Variants in NKD1 observed in about 807,000 individuals in gnomAD.
NKD1 encodes the protein protein naked cuticle homolog 1.
A neutral mutation model predicts 56.0 loss-of-function variants in NKD1; 21 were observed. That is an observed-to-expected ratio of 0.38 (90% confidence interval 0.27 to 0.54). The LOEUF is 0.54. NKD1 is among the 20% of genes least tolerant of loss of function. NKD1 has a pLI of 0.82. For missense variants in NKD1, 578 were observed against 642.7 expected, an observed-to-expected ratio of 0.90 and a Z score of 1.09; for synonymous variants, 263 against 265.7, an observed-to-expected ratio of 0.99 and a Z score of 0.10.
At chr16:50,618,455 G>A (rs955671591) in intron 4 of NKD1, among the ~76,000 whole-genome samples, 3 of 152,212 alleles carry the variant, frequency 2.0e-5, no homozygotes, top group African/African-American at 7.2e-5. Context: ...TCACTGATGG[G>A]TGGAGGGTGG....
chr16:50,607,199 G>C (rs1231792082), intron 3 of NKD1: 1 of 350,672 alleles, frequency 2.9e-6, no homozygotes, highest in Non-Finnish European at 5.7e-6. Flanking sequence ...AATGTTAGCT[G>C]TTTGTCTTTA....
At chr16:50,570,904 G>A (rs1960867947) in intron 3 of NKD1, 1 of 985,406 alleles carries the variant, frequency 1.0e-6, no homozygotes, top group East Asian at 1.1e-4. Flanking sequence ...GAGTGATGTA[G>A]CCCCCACCCC....
intron 3 of NKD1, among the ~76,000 whole-genome samples, chr16:50,581,396 C>T (rs2151269274): frequency 6.6e-6 from 1 of 152,344 alleles, no homozygotes; most frequent in Non-Finnish European, 1.5e-5. Flanking sequence ...GTTTCCCAAG[C>T]TTCTCTGGCC....
At chr16:50,618,740 G>A (rs903848828) in intron 4 of NKD1, among the ~76,000 whole-genome samples, 1 of 152,224 alleles carries the variant, frequency 6.6e-6, no homozygotes, top group African/African-American at 2.4e-5. Flanking sequence ...GCCCCTGGCG[G>A]GTTCACTGAC....
chr16:50,624,291 A>G (rs925163380), intron 5 of NKD1, among the ~76,000 whole-genome samples: 3 of 152,158 alleles, frequency 2.0e-5, no homozygotes, highest in African/African-American at 7.2e-5. Context: ...TCTGACACTC[A>G]GCCAGCCTCT....
At chr16:50,554,862 C>T (rs1373286251) in intron 3 of NKD1, among the ~76,000 whole-genome samples, 1 of 152,178 alleles carries the variant, frequency 6.6e-6, no homozygotes, top group East Asian at 1.9e-4. Context: ...TCAAACCATC[C>T]TCCCACATCA....
chr16:50,578,692 C>T (rs927312887), intron 3 of NKD1, among the ~76,000 whole-genome samples: 3 of 152,152 alleles, frequency 2.0e-5, no homozygotes, highest in African/African-American at 4.8e-5. Flanking sequence ...AGCAGCATTC[C>T]ATCTCCTATG....
intron 3 of NKD1, among the ~76,000 whole-genome samples, chr16:50,586,817 T>C (rs142592427): frequency 1.3e-5 from 2 of 152,348 alleles, no homozygotes; most frequent in Non-Finnish European, 2.9e-5. Context: ...GATTGTCCTT[T>C]GTTGGACAAC....
chr16:50,610,150 G>T (rs948566018), intron 4 of NKD1, among the ~76,000 whole-genome samples: 2 of 152,228 alleles, frequency 1.3e-5, no homozygotes, highest in African/African-American at 2.4e-5. Context: ...GGGCAACATA[G>T]TGAGACCCTG....
chr16:50,630,749 G>A, intron 7 of NKD1, 77 bp from the exon 8 acceptor site: 1 of 1,298,002 alleles, frequency 7.7e-7, no homozygotes, highest in Non-Finnish European at 1.1e-6. Flanking sequence ...CAAAGCAGCT[G>A]CACGCCAGGC....
intron 6 of NKD1, 87 bp from the exon 7 acceptor site, chr16:50,630,099 C>G: frequency 2.3e-6 from 3 of 1,306,736 alleles, no homozygotes; most frequent in Non-Finnish European, 3.3e-6. Flanking sequence ...GGGTTCAGGC[C>G]TGCAGCGTCC....
chr16:50,548,860 G>A (rs562438164), intron 2 of NKD1, 111 bp downstream of exon 2: 3 of 1,216,692 alleles, frequency 2.5e-6, no homozygotes, highest in Admixed American at 4.2e-5. Flanking sequence ...CGAAGCCCCA[G>A]TTCCGGCCAC....
intron 3 of NKD1, among the ~76,000 whole-genome samples, chr16:50,589,966 G>C (rs923535539): frequency 6.6e-6 from 1 of 152,012 alleles, no homozygotes; most frequent in African/African-American, 2.4e-5. Context: ...TCCTGCCTCA[G>C]CCTCCTGAGT....
intron 3 of NKD1, among the ~76,000 whole-genome samples, chr16:50,582,145 G>A (rs553767111): frequency 1.8e-4 from 27 of 152,280 alleles, no homozygotes; most frequent in Non-Finnish European, 2.9e-4. Context: ...TGCATTGCCC[G>A]CCCAAGGATG....
intron 3 of NKD1, among the ~76,000 whole-genome samples, chr16:50,602,365 T>C (rs933102049): frequency 6.6e-6 from 1 of 152,204 alleles, no homozygotes. Flanking sequence ...TCATCTTGTC[T>C]GGCCTCCCTA....
intron 3 of NKD1, chr16:50,574,848 T>A: frequency 4.1e-6 from 4 of 985,458 alleles, no homozygotes; most frequent in Non-Finnish European, 4.8e-6. Flanking sequence ...CCAAGCTGTT[T>A]CTATGTGGGG....
chr16:50,563,233 C>T (rs531603288), intron 3 of NKD1, among the ~76,000 whole-genome samples: 47 of 152,360 alleles, frequency 3.1e-4, no homozygotes, highest in African/African-American at 1.1e-3. Flanking sequence ...CCTCATTGGA[C>T]AGCACAGCCC....
intron 4 of NKD1, 65 bp downstream of exon 4, chr16:50,608,425 C>T (rs1024093313): frequency 1.2e-5 from 13 of 1,083,090 alleles, no homozygotes; most frequent in Middle Eastern, 2.2e-4. Context: ...TTCAGCTGGC[C>T]GTGTGCCCTG....
At chr16:50,574,662 C>T in intron 3 of NKD1, 1 of 985,422 alleles carries the variant, frequency 1.0e-6, no homozygotes, top group Non-Finnish European at 1.2e-6. Flanking sequence ...CCAGGGGGTC[C>T]CCTCCCCACC....
Sources: allele counts gnomAD v4.1 joint callset (sites outside exome capture counted in the v4.1 genomes callset), GRCh38; gene constraint gnomAD v4.1.1; transcripts MANE v1.5; gene names NCBI Gene and HGNC (gene_info 2026-07-23, HGNC 2026-07-21).